Variants in RGS12 observed in about 807,000 individuals in gnomAD.
The protein encoded by RGS12 is regulator of G-protein signaling 12.
RGS12 carries 66 observed loss-of-function variants against 120.1 expected under a neutral mutation model. The ratio of observed to expected loss-of-function variants is 0.55; its 90% CI spans 0.45 to 0.67. The LOEUF is 0.67. Ranked by LOEUF, RGS12 falls within the 30% of genes least tolerant of loss-of-function variation. The pLI, the probability that RGS12 is intolerant of heterozygous loss-of-function variation, is 0.00. For synonymous variants in RGS12, 827 were observed against 804.7 expected (o/e 1.03, Z -0.47); for missense variants, 1,859 against 1,957.7 (o/e 0.95, Z 0.95).
At chr4:3,428,846 T>TC in intron 16 of RGS12, 135 bp downstream of exon 16, 1 of 754,828 alleles carries the variant, frequency 1.3e-6, no homozygotes, top group South Asian at 1.9e-5. Context: ...GACATGTTTC[T>TC]CCCGGGGGCA....
chr4:3,363,840 AC>A (rs1346698526), intron 3 of RGS12, among the ~76,000 whole-genome samples: 1 of 152,032 alleles, frequency 6.6e-6, no homozygotes, highest in African/African-American at 2.4e-5. Context: ...GAAGCTTGGT[AC>A]TAGAAACCTG....
At chr4:3,373,600 AC>A (rs1717292500) in intron 3 of RGS12, among the ~76,000 whole-genome samples, 1 of 151,920 alleles carries the variant, frequency 6.6e-6, no homozygotes, top group Admixed American at 6.6e-5. Context: ...CTCCTTTGGG[AC>A]CCCGAAGTGC....
chr4:3,318,603 G>C (rs550479740), intron 2 of RGS12, among the ~76,000 whole-genome samples: 1 of 152,370 alleles, frequency 6.6e-6, no homozygotes, highest in East Asian at 1.9e-4. Flanking sequence ...TCACTGAGGG[G>C]TACCTCAAGG....
chr4:3,329,644 A>G (rs867217025), intron 2 of RGS12, among the ~76,000 whole-genome samples: 5 of 141,538 alleles, frequency 3.5e-5, no homozygotes, highest in African/African-American at 1.2e-4. Context: ...CGACTGAAGC[A>G]CTAAAGAGCA....
Position 3,422,961 on chromosome 4 carries a change from A to G in RGS12, c.3090A>G (p.Glu1030=), listed in dbSNP as rs996777082. The change falls in exon 12 of 18, where the codon GAA becomes GAG. Residue 1030 remains glutamate, a synonymous_variant. Transcript: ENST00000336727. ...TGGAGTCAAGGGACCTGCGCCTAGAAAAGCGCACCTTGTTTCGGTAAGAGG... is the reference window on the plus strand; with the variant it reads ...TGGAGTCAAGGGACCTGCGCCTAGAGAAGCGCACCTTGTTTCGGTAAGAGG... ...SILESRDLRL[E]KRTLFRLDLV... The G allele has an allele frequency of 3.1e-6, 5 of 1,613,008 alleles. No individual in the cohort carries two copies. Among genetic ancestry groups the G allele is most frequent in the Admixed American group, 1.7e-5 (1 of 59,996 alleles).
chr4:3,403,417 A>T (rs1393718425), intron 4 of RGS12, among the ~76,000 whole-genome samples: 1 of 152,218 alleles, frequency 6.6e-6, no homozygotes, highest in African/African-American at 2.4e-5. Context: ...CGGTCAGCCC[A>T]GAAAGTGCTG....
rs756639126 is a variant in RGS12 at position 3,317,907 on chromosome 4, C to A, written c.1737C>A (p.Ile579=). The change falls in exon 2 of 18, where the codon ATC becomes ATA. Residue 579 remains isoleucine, a synonymous_variant. Coordinates refer to ENST00000336727, the MANE Select transcript of RGS12 (RefSeq NM_001394154.1). ...CGTLPPPMSK[I]PADRYRVEGS... The stretch of plus-strand genomic sequence containing the variant: ...CACTGCCCCCTCCTATGAGCAAGAT[C>A]CCCGCAGACCGCTACAGGGTGGAGG... 4.8e-5 allele frequency: 77 copies of A among 1,613,992 alleles called. No homozygotes were observed. The East Asian group carries it at 8.0e-4, about 17-fold the overall frequency.
chr4:3,383,876 C>A (rs928590804), intron 3 of RGS12, among the ~76,000 whole-genome samples: 1 of 152,170 alleles, frequency 6.6e-6, no homozygotes, highest in Non-Finnish European at 1.5e-5. Flanking sequence ...GTCTGTTTGG[C>A]CTCTGGGACA....
chr4:3,309,753 A>G (rs1243435007), intron 1 of RGS12, among the ~76,000 whole-genome samples: 20 of 115,538 alleles, frequency 1.7e-4, no homozygotes, highest in South Asian at 3.2e-4. Flanking sequence ...GCTGAGCAGG[A>G]GAGGAGCTGG....
At chr4:3,413,557 T>C (rs940352277) in intron 4 of RGS12, 12 of 153,656 alleles carry the variant, frequency 7.8e-5, no homozygotes, top group Admixed American at 7.7e-4. Flanking sequence ...CTGAGCACGC[T>C]CCCGAGGGCA....
intron 3 of RGS12, among the ~76,000 whole-genome samples, chr4:3,380,021 C>G (rs957189005): frequency 3.3e-5 from 5 of 152,218 alleles, no homozygotes; most frequent in Non-Finnish European, 7.3e-5. Context: ...TGAGACAAGG[C>G]AAGTCCCTTC....
At chr4:3,334,327 C>T (rs1263903190) in intron 2 of RGS12, among the ~76,000 whole-genome samples, 1 of 152,172 alleles carries the variant, frequency 6.6e-6, no homozygotes, top group Non-Finnish European at 1.5e-5. Flanking sequence ...GCTAACATGG[C>T]AAATTACAAT....
intron 2 of RGS12, among the ~76,000 whole-genome samples, chr4:3,328,504 G>A (rs945297718): frequency 2.0e-5 from 3 of 152,282 alleles, no homozygotes; most frequent in Middle Eastern, 3.4e-3. Context: ...TAGAGTCCCC[G>A]CCAGCACGTA....
At chr4:3,419,586 G>A (rs1007434687) in intron 9 of RGS12, 1 of 152,136 alleles carries the variant, frequency 6.6e-6, no homozygotes, top group African/African-American at 2.4e-5. Flanking sequence ...GTGGGGCGAG[G>A]TGTGAGGATC....
At chr4:3,335,378 C>T (rs1020620947) in intron 2 of RGS12, among the ~76,000 whole-genome samples, 4 of 152,144 alleles carry the variant, frequency 2.6e-5, no homozygotes, top group African/African-American at 4.8e-5. Context: ...TTCTTCCTGC[C>T]GCACAGAGTT....
At chr4:3,307,706 C>T (rs1724051122) in intron 1 of RGS12, among the ~76,000 whole-genome samples, 1 of 152,164 alleles carries the variant, frequency 6.6e-6, no homozygotes, top group South Asian at 2.1e-4. Flanking sequence ...TAGAACTGTG[C>T]CTGGCATGGA....
intron 3 of RGS12, among the ~76,000 whole-genome samples, chr4:3,384,841 C>T (rs1275916460): frequency 2.0e-5 from 3 of 152,152 alleles, no homozygotes; most frequent in South Asian, 4.1e-4. Context: ...TGGTGTAGGT[C>T]GCAGGGCCAG....
In RGS12 at chr4:3,423,547, G is replaced by T. The variant is rs772653699; in HGVS notation, c.3140G>T (p.Gly1047Val). 1 of 1,613,054 alleles carries T rather than the reference G, an allele frequency of 6.2e-7. No individual in the cohort carries two copies. Among genetic ancestry groups the T allele is most frequent in the East Asian group, 2.2e-5 (1 of 44,874 alleles). ...CTTGTTCCGATTAACCGGTCAGTGG[G>T]ACTCAAGGCCAAGCCCACCAAGCCC... The part of the protein sequence containing the change: ...LDLVPINRSV[G>V]LKAKPTKPVT... Residue 1047 changes from glycine (G) to valine (V), a missense_variant, in exon 13 of 18, where the codon GGA (glycine) becomes GTA (valine). Gly to Val is a moderately radical substitution (Grantham distance 109, BLOSUM62 -3). Transcript: ENST00000336727.
chr4:3,320,234 T>A (rs1269197103), intron 2 of RGS12, among the ~76,000 whole-genome samples: 1 of 152,202 alleles, frequency 6.6e-6, no homozygotes, highest in Non-Finnish European at 1.5e-5. Context: ...CAGATAATGC[T>A]GTCGTCCCCA....
Sources: allele counts gnomAD v4.1 joint callset (sites outside exome capture counted in the v4.1 genomes callset), GRCh38; gene constraint gnomAD v4.1.1; transcripts MANE v1.5; gene names NCBI Gene and HGNC (gene_info 2026-07-23, HGNC 2026-07-21).